Variants in GALNT14 observed in about 807,000 individuals in gnomAD.
GALNT14 encodes the protein UDP-GalNAc:polypeptide N-acetylgalactosaminyltransferase 14.
A neutral mutation model predicts 77.5 loss-of-function variants in GALNT14; 60 were observed. The observed-to-expected ratio is 0.77, with a 90% CI of 0.63 to 0.96. The LOEUF (loss-of-function observed/expected upper bound fraction) is 0.96. Ranked by LOEUF, GALNT14 falls within the 40% of genes least tolerant of loss-of-function variation. The pLI, the probability that GALNT14 is intolerant of heterozygous loss-of-function variation, is 0.00. For missense variants in GALNT14, 710 were observed against 731.0 expected (o/e 0.97, Z 0.33); for synonymous variants, 280 against 281.7 (o/e 0.99, Z 0.06).
At chr2:30,997,080 C>G (rs929443316) in intron 1 of GALNT14, among the ~76,000 whole-genome samples, 1 of 152,160 alleles carries the variant, frequency 6.6e-6, no homozygotes, top group African/African-American at 2.4e-5. Flanking sequence ...AGGGCAGGAC[C>G]AGTTTAGAGA....
chr2:31,102,082 A>C (rs980681954), intron 1 of GALNT14, among the ~76,000 whole-genome samples: 4 of 152,092 alleles, frequency 2.6e-5, no homozygotes, highest in Non-Finnish European at 5.9e-5. Flanking sequence ...AGTCTTGAGT[A>C]TGTCTTTACT....
At chr2:30,977,297 G>A (rs1668693953) in intron 2 of GALNT14, among the ~76,000 whole-genome samples, 1 of 152,072 alleles carries the variant, frequency 6.6e-6, no homozygotes. Flanking sequence ...CACCATGTTG[G>A]CCAGGCTGGT....
chr2:30,960,490 G>GAA (rs777142276), intron 3 of GALNT14, among the ~76,000 whole-genome samples: 1 of 147,832 alleles, frequency 6.8e-6, no homozygotes, highest in East Asian at 2.0e-4. Context: ...AAACAGAAAA[G>GAA]AAAAAAAAAA....
intron 1 of GALNT14, among the ~76,000 whole-genome samples, chr2:31,027,888 G>C (rs1163061611): frequency 7.2e-6 from 1 of 138,922 alleles, no homozygotes; most frequent in Non-Finnish European, 1.5e-5. Context: ...GATGTATTCT[G>C]TGTGTGTGTG....
intron 2 of GALNT14, among the ~76,000 whole-genome samples, chr2:30,974,603 C>T (rs1342309421): frequency 6.6e-6 from 1 of 152,216 alleles, no homozygotes; most frequent in East Asian, 1.9e-4. Context: ...AATGCACTCT[C>T]CTCGCTTCCA....
At chr2:30,999,626 A>T (rs965588648) in intron 1 of GALNT14, among the ~76,000 whole-genome samples, 1 of 152,224 alleles carries the variant, frequency 6.6e-6, no homozygotes, top group Non-Finnish European at 1.5e-5. Context: ...ATCACCCAGC[A>T]TAGAGGCTAC....
intron 1 of GALNT14, among the ~76,000 whole-genome samples, chr2:31,038,690 T>A (rs563473108): frequency 6.6e-6 from 1 of 151,844 alleles, no homozygotes. Flanking sequence ...GAGAGGTGAA[T>A]GGGAATAGGG....
At chr2:30,976,465 C>G (rs1023763926) in intron 2 of GALNT14, among the ~76,000 whole-genome samples, 2 of 152,016 alleles carry the variant, frequency 1.3e-5, no homozygotes, top group Admixed American at 6.6e-5. Flanking sequence ...TGGTGGAAAC[C>G]CTGGGGGAAG....
In GALNT14 at chr2:30,966,217, T is replaced by C. The variant is rs1667993499; in HGVS notation, c.385A>G (p.Arg129Gly). 6.2e-7 allele frequency: 1 copy of C among 1,613,980 alleles called. No individual in the cohort carries two copies. The highest frequency in any genetic ancestry group is 1.7e-5 in the Admixed American group (1 of 60,024). The change falls in exon 3 of 15, where the codon AGG becomes GGG. Residue 129 changes from arginine (R) to glycine (G), a missense_variant. Coordinates refer to ENST00000349752, the MANE Select transcript of GALNT14 (RefSeq NM_024572.4). ...AGGATGCCTCACCTGCGGATGGTCC[T>C]GAGCAGCGTGGAGCGGGCCTCGTTG... is the stretch of plus-strand genomic sequence containing the variant. Reference protein sequence around the residue: ...FHNEARSTLLRTIRSVLNRTP... With the variant: ...FHNEARSTLLGTIRSVLNRTP...
rs894211740 is a variant in GALNT14, at chr2:31,138,383, C to T, written c.-297G>A. On this transcript the variant is annotated 5_prime_UTR_variant, in exon 1 of 15. Coordinates refer to ENST00000349752, the MANE Select transcript of GALNT14 (RefSeq NM_024572.4). ...GGCTGCCGAGATGTTCCCCACGCCG[C>T]CACCGCGGCTGCCGCCGCCGCCGCC... 57 of 396,340 alleles carry T rather than the reference C, an allele frequency of 1.4e-4. No individual in the cohort carries two copies. Among genetic ancestry groups the T allele is most frequent in the Admixed American group, 3.4e-4 (7 of 20,688 alleles). 24.6% of individuals were successfully genotyped at this position (396,340 alleles called of 1,614,324 possible). A position where few individuals can be genotyped will look rare whatever the true frequency, so the allele number is the denominator to read the frequency against.
intron 13 of GALNT14, among the ~76,000 whole-genome samples, chr2:30,914,392 A>T (rs1189798451): frequency 2.0e-5 from 3 of 152,164 alleles, no homozygotes; most frequent in African/African-American, 7.2e-5. Context: ...GGTTGTAGAC[A>T]TTAAAACCAA....
intron 1 of GALNT14, among the ~76,000 whole-genome samples, chr2:31,050,138 C>G (rs1164396862): frequency 6.6e-6 from 1 of 152,174 alleles, no homozygotes; most frequent in Non-Finnish European, 1.5e-5. Flanking sequence ...TTGGGATGTT[C>G]TAGCTGTGGG....
intron 9 of GALNT14, among the ~76,000 whole-genome samples, chr2:30,937,463 C>A (rs1666123273): frequency 6.6e-6 from 1 of 152,202 alleles, no homozygotes; most frequent in East Asian, 1.9e-4. Context: ...CACTTTCAAG[C>A]CCATTCAGGT....
At chr2:31,084,895 T>C (rs1169619478) in intron 1 of GALNT14, among the ~76,000 whole-genome samples, 1 of 151,992 alleles carries the variant, frequency 6.6e-6, no homozygotes, top group Non-Finnish European at 1.5e-5. Flanking sequence ...CATGGTGGCA[T>C]GCACCTGTAA....
intron 1 of GALNT14, among the ~76,000 whole-genome samples, chr2:31,116,673 C>T (rs1412186906): frequency 6.6e-6 from 1 of 152,016 alleles, no homozygotes; most frequent in East Asian, 1.9e-4. Flanking sequence ...ATGACATAAA[C>T]CAAGAAAGAC....
intron 9 of GALNT14, among the ~76,000 whole-genome samples, chr2:30,933,391 G>C (rs2148257132): frequency 6.6e-6 from 1 of 152,244 alleles, no homozygotes; most frequent in African/African-American, 2.4e-5. Context: ...GGTGTTCAGG[G>C]GAAGGGAACA....
chr2:30,932,710 G>T (rs1177932223), intron 9 of GALNT14, among the ~76,000 whole-genome samples: 3 of 152,148 alleles, frequency 2.0e-5, no homozygotes, highest in African/African-American at 7.2e-5. Flanking sequence ...AAAACTTCAC[G>T]GCAAGGATGC....
At chr2:30,900,406 G>A in the GALNT14 span, among the ~76,000 whole-genome samples, 1 of 152,172 alleles carries the variant, frequency 6.6e-6, no homozygotes, top group African/African-American at 2.4e-5. Flanking sequence ...TTATAAATTT[G>A]TCTTCTCGGT....
intron 1 of GALNT14, among the ~76,000 whole-genome samples, chr2:31,071,948 C>T (rs933109853): frequency 6.6e-6 from 1 of 152,192 alleles, no homozygotes; most frequent in Admixed American, 6.5e-5. Context: ...CCTGGAGATG[C>T]TGACTTAGCA....
Sources: gnomAD v4.1 joint callset for allele counts (sites outside exome capture counted in the v4.1 genomes callset) on GRCh38, gnomAD v4.1.1 for gene constraint, MANE v1.5 for transcripts, NCBI Gene and HGNC (gene_info 2026-07-23, HGNC 2026-07-21) for gene names.